ADAMTS10: variants seen among roughly 807,000 people sequenced by gnomAD.
ADAMTS10 encodes A disintegrin and metalloproteinase with thrombospondin motifs 10.
A neutral mutation model predicts 135.9 loss-of-function variants in ADAMTS10; 48 were observed. The ratio of observed to expected loss-of-function variants is 0.35; its 90% CI spans 0.28 to 0.45. The LOEUF is 0.45. Ranked by LOEUF, ADAMTS10 falls within the 20% of genes least tolerant of loss-of-function variation. ADAMTS10 has a pLI of 1.00. For synonymous variants in ADAMTS10, 621 were observed against 647.5 expected (o/e 0.96, Z 0.62); for missense variants, 1,131 against 1,565.2 (o/e 0.72, Z 4.68).
chr19:8,586,122 T>C lies in ADAMTS10; in HGVS notation c.2660A>G (p.Asp887Gly), dbSNP rs2042425174. ...RACNTEPCPPDWVVGNWSLCS... is the reference protein window; with the variant it reads ...RACNTEPCPPGWVVGNWSLCS... ...AACACTGCCCCCTGGCGGCACTCACTCTGGAGGGCAAGGCTCCGTGTTGCA... is the reference window on the plus strand; with the variant it reads ...AACACTGCCCCCTGGCGGCACTCACCCTGGAGGGCAAGGCTCCGTGTTGCA... The change falls in exon 22 of 26, where the codon GAC becomes GGC. Residue 887 changes from aspartate to glycine, a missense_variant and splice_region_variant. By Grantham distance (94) the Asp-to-Gly change is moderately conservative. This residue lies in a region of ADAMTS10 where 745 missense variants were observed against 1,056.3 expected (regional missense o/e 0.71). Transcript: ENST00000597188. 6.2e-7 allele frequency: 1 copy of C among 1,612,866 alleles called. No homozygotes were observed.
chr19:8,605,845 C>G lies in ADAMTS10; in HGVS notation c.-99-36G>C. 1 of 1,476,826 alleles carries G rather than the reference C, an allele frequency of 6.8e-7. No homozygotes were observed. The highest frequency in any genetic ancestry group is 9.0e-7 in the Non-Finnish European group (1 of 1,116,930). 91.5% of individuals were successfully genotyped at this position (1,476,826 alleles called of 1,614,324 possible). Reference sequence around the variant, plus strand: ...GGAGCCAGGTAAGGGGGCGCCTGGTCCCGCTGTCCAGCACAACCAATGCCA... The same window carrying G: ...GGAGCCAGGTAAGGGGGCGCCTGGTGCCGCTGTCCAGCACAACCAATGCCA... On this transcript the variant is annotated intron_variant, in intron 2 of 25. Coordinates refer to ENST00000597188, the MANE Select transcript of ADAMTS10 (RefSeq NM_030957.4). This position sits in a 1 kb window ranked among gnomAD's most constrained non-coding sequence, Gnocchi z 7.7.
chr19:8,581,904 G>A (rs185764714), intron 25 of ADAMTS10, among the ~76,000 whole-genome samples: 2 of 151,134 alleles, frequency 1.3e-5, no homozygotes, highest in Admixed American at 1.3e-4. Context: ...TGTGGCATGT[G>A]CCTGTAGTCC....
intron 25 of ADAMTS10, among the ~76,000 whole-genome samples, chr19:8,582,021 A>T (rs1003419512): frequency 7.2e-6 from 1 of 139,026 alleles, no homozygotes; most frequent in Non-Finnish European, 1.6e-5. Flanking sequence ...ACAGAGCGAG[A>T]CCCTGTCAAA....
chr19:8,586,360 C>T lies in ADAMTS10; in HGVS notation c.2514G>A (p.Ser838=), dbSNP rs1332613177. 3 of 1,613,600 alleles carry T rather than the reference C, an allele frequency of 1.9e-6. No individual in the cohort carries two copies. Among genetic ancestry groups the T allele is most frequent in the East Asian group, 2.2e-5 (1 of 44,880 alleles). The change falls in exon 21 of 26, where the codon TCG becomes TCA. Residue 838 remains serine, a synonymous_variant. Coordinates refer to ENST00000597188, the MANE Select transcript of ADAMTS10 (RefSeq NM_030957.4). ...CGGCCTCACCGCCTGCACACTGGGCCGAGCACTTGGTCCAGGGCGCATAGT... is the reference window on the plus strand; with the variant it reads ...CGGCCTCACCGCCTGCACACTGGGCTGAGCACTTGGTCCAGGGCGCATAGT... The part of the protein sequence containing the change: ...SWHYAPWTKC[S]AQCAGGSQVQ...
chr19:8,597,183 C>T, intron 7 of ADAMTS10, 51 bp from the exon 8 acceptor site: 1 of 1,614,070 alleles, frequency 6.2e-7, no homozygotes, highest in Non-Finnish European at 8.5e-7. Context: ...CAGGGGACGG[C>T]AGGACATGCT....
At position 8,580,771 on chromosome 19, in the gene ADAMTS10, C is replaced by A; in HGVS notation, c.*122G>T. ...CCCTGCAGGGGTTCCCAATAAATAA[C>A]TTCCGGCTCCGTCTCACCCTTCCCT... On this transcript the variant is annotated 3_prime_UTR_variant, in exon 26 of 26. Transcript: ENST00000597188. 2.6e-6 allele frequency: 2 copies of A among 766,878 alleles called. No individual in the cohort carries two copies. Among genetic ancestry groups the A allele is most frequent in the Non-Finnish European group, 2.1e-6 (1 of 466,262 alleles). 47.5% of individuals were successfully genotyped at this position (766,878 alleles called of 1,614,324 possible).
At chr19:8,606,917 C>G (rs781919522) in intron 2 of ADAMTS10, among the ~76,000 whole-genome samples, 1 of 152,036 alleles carries the variant, frequency 6.6e-6, no homozygotes, top group African/African-American at 2.4e-5. Flanking sequence ...TAGAAGGTAT[C>G]AATGGGGAGA....
At chr19:8,592,189 C>A in intron 13 of ADAMTS10, 86 bp from the exon 14 acceptor site, 3 of 1,598,842 alleles carry the variant, frequency 1.9e-6, no homozygotes, top group South Asian at 1.1e-5. Context: ...CAGGCCCCAG[C>A]CAGAGATATC....
chr19:8,599,487 C>T (rs1295260011), intron 6 of ADAMTS10, among the ~76,000 whole-genome samples: 5 of 151,918 alleles, frequency 3.3e-5, no homozygotes, highest in South Asian at 2.1e-4. Context: ...CCCACCACCA[C>T]GCTCAGCTAA....
In ADAMTS10 at chr19:8,589,380, C is replaced by T. The variant is rs377401093; in HGVS notation, c.2035-15G>A. On this transcript the variant is annotated splice_polypyrimidine_tract_variant and intron_variant, in intron 17 of 25. Coordinates refer to ENST00000597188, the MANE Select transcript of ADAMTS10 (RefSeq NM_030957.4). The stretch of plus-strand genomic sequence containing the variant: ...CAGCCCACGTGCTGCGTGGAGAAGG[C>T]GTGAGTGAGGCGACCCCCTAACCCA... The T allele has an allele frequency of 6.3e-5, 102 of 1,611,772 alleles. No individual in the cohort carries two copies. The East Asian group carries it at 1.2e-3, about 18-fold the overall frequency.
chr19:8,596,889 TC>T lies in ADAMTS10; in HGVS notation c.1040+97del. On this transcript the variant is annotated intron_variant, in intron 8 of 25. Coordinates refer to ENST00000597188, the MANE Select transcript of ADAMTS10 (RefSeq NM_030957.4). This position sits in a 1 kb window ranked among gnomAD's most constrained non-coding sequence, Gnocchi z 7.2. ...TGGGCAGCCCAAACTTCTCTGCTCC[TC>T]CTGACCCTAGCAGAAGTGATCTCTG... The T allele has an allele frequency of 6.3e-7, 1 of 1,579,312 alleles. No individual in the cohort carries two copies. The highest frequency in any genetic ancestry group is 1.7e-5 in the Admixed American group (1 of 59,480).
intron 25 of ADAMTS10, among the ~76,000 whole-genome samples, chr19:8,583,811 C>G (rs987614796): frequency 6.6e-6 from 1 of 151,780 alleles, no homozygotes; most frequent in Non-Finnish European, 1.5e-5. Context: ...GAGCCGAGAT[C>G]GCTCTACTGC....
chr19:8,595,978 G>A (rs565381030), intron 11 of ADAMTS10, 75 bp from the exon 12 acceptor site: 15 of 1,613,746 alleles, frequency 9.3e-6, no homozygotes, highest in Middle Eastern at 1.7e-4. Context: ...CTGGATGGGG[G>A]TCCCAGGGAG....
Position 8,580,835 on chromosome 19 carries a change from C to T in ADAMTS10, c.*58G>A. On this transcript the variant is annotated 3_prime_UTR_variant, in exon 26 of 26. Transcript: ENST00000597188. The stretch of plus-strand genomic sequence containing the variant: ...CCCCCGGGGCCCCCTCTGGCCGGCC[C>T]GCTGCAGGGCTGGCGGCGGAGACCC... The T allele has an allele frequency of 2.8e-6, 4 of 1,438,184 alleles. No homozygotes were observed. The highest frequency in any genetic ancestry group is 2.4e-5 in the South Asian group (2 of 82,876). The allele number at this position is 1,438,184 out of a possible 1,614,324, so 89.1% of individuals were successfully genotyped here. A position where few individuals can be genotyped will look rare whatever the true frequency, so the allele number is the denominator to read the frequency against.
intron 2 of ADAMTS10, among the ~76,000 whole-genome samples, chr19:8,606,584 G>T (rs2042724629): frequency 6.6e-6 from 1 of 152,112 alleles, no homozygotes. Context: ...TGTATTTTTA[G>T]TAGAGATGGG....
chr19:8,605,329 C>T lies in ADAMTS10; in HGVS notation c.118G>A (p.Glu40Lys). Residue 40 changes from glutamate (E) to lysine (K), a missense_variant, in exon 4 of 26, where the codon GAG becomes AAG. Transcript: ENST00000597188. The surrounding 1 kb of genome is among the most constrained non-coding windows in gnomAD (Gnocchi z 7.7). ...DEFLSSLESYEIAFPTRVDHN... is the reference protein window; with the variant it reads ...DEFLSSLESYKIAFPTRVDHN... ...TCCACGCGGGTGGGGAAGGCGATCT[C>T]ATAGCTCTCCAGACTGGACAGGAAC... 6.2e-7 allele frequency: 1 copy of T among 1,606,980 alleles called. No individual in the cohort carries two copies. The highest frequency in any genetic ancestry group is 8.5e-7 in the Non-Finnish European group (1 of 1,176,920).
In ADAMTS10 at chr19:8,589,912, T is replaced by C. The variant is rs1464708065; in HGVS notation, c.1877A>G (p.Tyr626Cys). The change falls in exon 16 of 26, where the codon TAC becomes TGC. Residue 626 changes from tyrosine (Y) to cysteine (C), a missense_variant. By Grantham distance (194) the Tyr-to-Cys change is radical (BLOSUM62 -2). Transcript: ENST00000597188. ...FDSIPFRGKFYKWKTYRGGGV... is the reference protein window; with the variant it reads ...FDSIPFRGKFCKWKTYRGGGV... ...ACCTCCCCGGTACGTTTTCCACTTG[T>C]AGAATTTCCCACGGAAAGGGATGCT... 6.2e-7 allele frequency: 1 copy of C among 1,613,958 alleles called. No homozygotes were observed. The highest frequency in any genetic ancestry group is 8.5e-7 in the Non-Finnish European group (1 of 1,179,988).
At position 8,590,053 on chromosome 19, in the gene ADAMTS10, G is replaced by T. The variant is rs1157988481; in HGVS notation, c.1798-62C>A. On this transcript the variant is annotated intron_variant, in intron 15 of 25. Coordinates refer to ENST00000597188, the MANE Select transcript of ADAMTS10 (RefSeq NM_030957.4). ...CTTGGGGGGATGGAGTCAGAAAAGGGGTGCTCAGAGAAAGATGGGCTGGAG... is the reference window on the plus strand; with the variant it reads ...CTTGGGGGGATGGAGTCAGAAAAGGTGTGCTCAGAGAAAGATGGGCTGGAG... 7.5e-6 allele frequency: 9 copies of T among 1,198,202 alleles called. No individual in the cohort carries two copies. In the African/African-American group the frequency reaches 1.4e-4, roughly 18 times the overall value. The allele number at this position is 1,198,202 out of a possible 1,614,324, so 74.2% of individuals were successfully genotyped here. A position where few individuals can be genotyped will look rare whatever the true frequency, so the allele number is the denominator to read the frequency against.
intron 13 of ADAMTS10, 137 bp from the exon 14 acceptor site, chr19:8,592,240 A>T: frequency 6.8e-7 from 1 of 1,469,776 alleles, no homozygotes; most frequent in Non-Finnish European, 9.0e-7. Flanking sequence ...TGAACATGCG[A>T]ACAGAGTCAG....
Sources: allele counts gnomAD v4.1 joint callset (sites outside exome capture counted in the v4.1 genomes callset), GRCh38; gene constraint gnomAD v4.1.1; regional missense constraint gnomAD v4.1.1; non-coding constraint Gnocchi (gnomAD v3.1); transcripts MANE v1.5; gene names NCBI Gene and HGNC (gene_info 2026-07-23, HGNC 2026-07-21).